STXBP5L: variants seen among roughly 807,000 people sequenced by gnomAD.
The protein encoded by STXBP5L is syntaxin-binding protein 5-like.
In STXBP5L, 65 loss-of-function variants were observed where a neutral mutation model predicts 144.5. That is an observed-to-expected ratio of 0.45 (90% CI 0.37 to 0.55). The LOEUF is 0.55. Ranked by LOEUF, STXBP5L falls within the 20% of genes least tolerant of loss-of-function variation. The pLI, the probability that STXBP5L is intolerant of heterozygous loss-of-function variation, is 0.00. For missense variants in STXBP5L, 1,298 were observed against 1,405.5 expected (o/e 0.92, Z 1.22); for synonymous variants, 505 against 469.6 (o/e 1.08, Z -0.97).
chr3:121,378,695 G>A, intron 20 of STXBP5L, 21 bp from the exon 21 acceptor site: 1 of 1,609,790 alleles, frequency 6.2e-7, no homozygotes, highest in Non-Finnish European at 8.5e-7. Context: ...TATGTATGCT[G>A]CCTTCCTCCT....
chr3:121,205,433 G>A (rs1311251223), intron 9 of STXBP5L, among the ~76,000 whole-genome samples: 1 of 152,126 alleles, frequency 6.6e-6, no homozygotes, highest in Non-Finnish European at 1.5e-5. Context: ...TCATCCATGA[G>A]GGCAAAGCCC....
In STXBP5L at chr3:121,152,610, T is replaced by A. The variant is rs1452443830; in HGVS notation, c.753+50T>A. 4.4e-6 allele frequency: 6 copies of A among 1,361,530 alleles called. No homozygotes were observed. The Admixed American group carries it at 1.2e-4, about 28-fold the overall frequency. The allele number at this position is 1,361,530 out of a possible 1,614,324, so 84.3% of individuals were successfully genotyped here. On this transcript the variant is annotated intron_variant, in intron 8 of 26. Transcript: ENST00000471454. The stretch of plus-strand genomic sequence containing the variant: ...TGAAAGAGTATTGTGACGTTATGCC[T>A]GTTTACTACTTTTAAGCTTTGCACT...
intron 3 of STXBP5L, among the ~76,000 whole-genome samples, chr3:120,964,350 T>C (rs1939281677): frequency 6.6e-6 from 1 of 152,206 alleles, no homozygotes; most frequent in Non-Finnish European, 1.5e-5. Context: ...TCTCTAGTTA[T>C]ATTAAGTGTG....
chr3:121,296,480 C>A (rs1367811261), intron 19 of STXBP5L, among the ~76,000 whole-genome samples: 1 of 152,060 alleles, frequency 6.6e-6, no homozygotes, highest in Non-Finnish European at 1.5e-5. Context: ...ATGGTAGGAA[C>A]AATGATGAAA....
At chr3:121,056,070 A>G (rs1948440412) in intron 5 of STXBP5L, among the ~76,000 whole-genome samples, 1 of 152,100 alleles carries the variant, frequency 6.6e-6, no homozygotes, top group African/African-American at 2.4e-5. Flanking sequence ...CTTACAAAGT[A>G]TTAGGATTAC....
intron 3 of STXBP5L, among the ~76,000 whole-genome samples, chr3:120,972,658 G>T (rs1428500548): frequency 2.0e-5 from 3 of 152,046 alleles, no homozygotes; most frequent in Non-Finnish European, 4.4e-5. Context: ...TTGTTAGGGG[G>T]AATGCTTTCA....
rs545302179 is a variant in STXBP5L, at chr3:121,291,385, A to C, written c.2110+11429A>C. Among the ~76,000 whole-genome samples, 3 of 152,280 alleles carry C rather than the reference A, an allele frequency of 2.0e-5. No individual in the cohort carries two copies. The South Asian group carries it at 6.2e-4, about 32-fold the overall frequency. On this transcript the variant is annotated intron_variant, in intron 19 of 26. Coordinates refer to ENST00000471454, the MANE Select transcript of STXBP5L (RefSeq NM_001308330.2). ...ATCTCTACAAGGAAAACTACAAAAC[A>C]CTGCTGAAATAAATAATGGACAACA...
At chr3:121,378,965 G>C in intron 21 of STXBP5L, 79 bp downstream of exon 21, 1 of 1,381,264 alleles carries the variant, frequency 7.2e-7, no homozygotes, top group Non-Finnish European at 9.9e-7. Flanking sequence ...ATATGGGATG[G>C]AGATCACATA....
chr3:121,017,420 T>C (rs1222315018), intron 3 of STXBP5L, among the ~76,000 whole-genome samples: 2 of 152,236 alleles, frequency 1.3e-5, no homozygotes, highest in Non-Finnish European at 2.9e-5. Context: ...TTTAACATCT[T>C]AGTGGAAGTC....
intron 3 of STXBP5L, among the ~76,000 whole-genome samples, chr3:121,023,155 C>CA (rs34550471): frequency 0.045 from 6,500 of 143,742 alleles, 181 homozygotes; most frequent in Middle Eastern, 0.085. Context: ...ACAATAGTTG[C>CA]AAAAAAAAAA....
At chr3:120,920,333 A>G (rs948985109) in intron 2 of STXBP5L, among the ~76,000 whole-genome samples, 12 of 151,760 alleles carry the variant, frequency 7.9e-5, no homozygotes, top group Middle Eastern at 3.4e-3. Context: ...GATTTGGGGT[A>G]CTTTCCTGCT....
intron 3 of STXBP5L, among the ~76,000 whole-genome samples, chr3:121,003,697 G>C (rs1037582645): frequency 3.3e-5 from 5 of 151,984 alleles, no homozygotes; most frequent in African/African-American, 9.7e-5. Flanking sequence ...TCTAACATGT[G>C]AGTCTTTAAT....
Position 121,152,532 on chromosome 3 carries a change from G to A in STXBP5L, c.725G>A (p.Arg242Lys). ...TVVFWDLKSK[R>K]AELRVYYDEA... is the part of the protein sequence containing the mutation. ...GTATTCTGGGACTTGAAATCTAAAA[G>A]AGCAGAACTGAGAGTTTATTATGAT... Residue 242 changes from arginine to lysine, a missense_variant, in exon 8 of 27, where the codon AGA (arginine) becomes AAA (lysine). Coordinates refer to ENST00000471454, the MANE Select transcript of STXBP5L (RefSeq NM_001308330.2). 6.2e-7 allele frequency: 1 copy of A among 1,608,092 alleles called. No individual in the cohort carries two copies. The highest frequency in any genetic ancestry group is 1.1e-5 in the South Asian group (1 of 90,490).
chr3:121,279,138 T>C (rs1465762536), intron 18 of STXBP5L, among the ~76,000 whole-genome samples: 1 of 151,882 alleles, frequency 6.6e-6, no homozygotes, highest in Non-Finnish European at 1.5e-5. Context: ...TAAGAGTTAA[T>C]GTATGCCTAA....
intron 5 of STXBP5L, among the ~76,000 whole-genome samples, chr3:121,101,658 C>T (rs2043433395): frequency 6.6e-6 from 1 of 152,006 alleles, no homozygotes; most frequent in South Asian, 2.1e-4. Flanking sequence ...AAGCATTCCC[C>T]TTGAGAACTG....
At chr3:121,300,196 C>T (rs1162575437) in intron 19 of STXBP5L, among the ~76,000 whole-genome samples, 1 of 151,940 alleles carries the variant, frequency 6.6e-6, no homozygotes, top group Non-Finnish European at 1.5e-5. Context: ...AGAAAAACAA[C>T]TGTCAATCCA....
intron 5 of STXBP5L, among the ~76,000 whole-genome samples, chr3:121,074,058 A>T (rs891008347): frequency 6.6e-6 from 1 of 152,194 alleles, no homozygotes; most frequent in Admixed American, 6.5e-5. Context: ...ATGTACTGCA[A>T]CAGGACACAG....
At position 121,423,965 on chromosome 3, in the gene STXBP5L, A is replaced by G. The variant is rs986390590; in HGVS notation, c.*4868A>G. 1 of 152,228 alleles carries G rather than the reference A, an allele frequency of 6.6e-6. No homozygotes were observed. Among genetic ancestry groups the G allele is most frequent in the African/African-American group, 2.4e-5 (1 of 41,452 alleles). 9.4% of individuals were successfully genotyped at this position (152,228 alleles called of 1,614,324 possible). ...ATCAATTATTCCAATTCAAAGGTCT[A>G]GGTTTTTTTTCAATTGTCTTACACA... On this transcript the variant is annotated 3_prime_UTR_variant, in exon 27 of 27. Transcript: ENST00000471454.
At chr3:121,213,312 G>A (rs1343370053) in intron 10 of STXBP5L, among the ~76,000 whole-genome samples, 1 of 152,098 alleles carries the variant, frequency 6.6e-6, no homozygotes, top group East Asian at 1.9e-4. Flanking sequence ...AATGCTTCCA[G>A]CTTTTGCCCA....
Sources: gnomAD v4.1 joint callset for allele counts (sites outside exome capture counted in the v4.1 genomes callset) on GRCh38, gnomAD v4.1.1 for gene constraint, MANE v1.5 for transcripts, NCBI Gene and HGNC (gene_info 2026-07-23, HGNC 2026-07-21) for gene names.